The following SPECC1 variants were observed in gnomAD, a reference collection of about 807,000 sequenced individuals.
The protein encoded by SPECC1 is cytospin-B.
SPECC1 carries 62 observed loss-of-function variants against 104.1 expected under a neutral mutation model. The ratio of observed to expected loss-of-function variants is 0.60; its 90% CI spans 0.49 to 0.74. The LOEUF is 0.74. SPECC1 is among the 30% of genes least tolerant of loss of function. SPECC1 has a pLI of 0.00. For missense variants in SPECC1, 1,306 were observed against 1,310.5 expected, an observed-to-expected ratio of 1.00 and a Z score of 0.05; for synonymous variants, 513 against 501.6, an observed-to-expected ratio of 1.02 and a Z score of -0.30.
At chr17:20,150,887 AT>A (rs2031946833) in intron 3 of SPECC1, among the ~76,000 whole-genome samples, 1 of 152,208 alleles carries the variant, frequency 6.6e-6, no homozygotes, top group African/African-American at 2.4e-5. Context: ...GTCAAAATTT[AT>A]TTCTACACAT....
In SPECC1 at chr17:20,232,305, A is replaced by T; in HGVS notation, c.2251A>T (p.Arg751Trp). Residue 751 changes from arginine to tryptophan, a missense_variant, in exon 7 of 15, where the codon AGG (arginine) becomes TGG (tryptophan). Coordinates refer to ENST00000395527, the MANE Select transcript of SPECC1 (RefSeq NM_001243439.2). ...CCAGCAGGAGCTGCGCACCGTGAAG[A>T]GGAAACTGCTGGAGGAGGAGGAGAA... Reference protein sequence around the residue: ...EAQQELRTVKRKLLEEEEKNA... With the variant: ...EAQQELRTVKWKLLEEEEKNA... 1 of 1,614,150 alleles carries T rather than the reference A, an allele frequency of 6.2e-7. No individual in the cohort carries two copies. Among genetic ancestry groups the T allele is most frequent in the Non-Finnish European group, 8.5e-7 (1 of 1,180,034 alleles).
intron 1 of SPECC1, among the ~76,000 whole-genome samples, chr17:20,091,070 A>G (rs2047382015): frequency 6.6e-6 from 1 of 152,112 alleles, no homozygotes; most frequent in African/African-American, 2.4e-5. Flanking sequence ...TTTTCCATTT[A>G]GTTTTTGTTT....
chr17:20,127,895 C>T (rs973158611), intron 3 of SPECC1, among the ~76,000 whole-genome samples: 5 of 152,052 alleles, frequency 3.3e-5, no homozygotes, highest in African/African-American at 1.2e-4. Flanking sequence ...AGCAGGCCTT[C>T]TGAAGCTGCT....
At chr17:20,159,208 G>A (rs772011579) in intron 3 of SPECC1, among the ~76,000 whole-genome samples, 15 of 152,134 alleles carry the variant, frequency 9.9e-5, no homozygotes, top group Non-Finnish European at 2.1e-4. Flanking sequence ...GCCTCCCACA[G>A]TGCTGGGATC....
At chr17:20,274,414 G>T (rs2040506886) in intron 12 of SPECC1, among the ~76,000 whole-genome samples, 1 of 151,982 alleles carries the variant, frequency 6.6e-6, no homozygotes, top group Non-Finnish European at 1.5e-5. Context: ...TGAATTTAAT[G>T]CCCTGGCATT....
At chr17:20,109,116 A>C (rs1264797738) in intron 2 of SPECC1, among the ~76,000 whole-genome samples, 1 of 152,224 alleles carries the variant, frequency 6.6e-6, no homozygotes, top group Non-Finnish European at 1.5e-5. Context: ...TGGTGGGGTG[A>C]GGGTGGTTAC....
At chr17:20,269,177 C>T (rs1363283883) in intron 12 of SPECC1, among the ~76,000 whole-genome samples, 2 of 152,218 alleles carry the variant, frequency 1.3e-5, no homozygotes, top group African/African-American at 4.8e-5. Flanking sequence ...AGACTTAACC[C>T]AGTAGGCCTG....
At chr17:20,263,227 T>C (rs1410858504) in intron 12 of SPECC1, among the ~76,000 whole-genome samples, 14 of 148,440 alleles carry the variant, frequency 9.4e-5, no homozygotes, top group Non-Finnish European at 4.5e-5. Flanking sequence ...CCAATAGCTA[T>C]GACTTCTTAT....
chr17:20,150,128 A>G (rs1211124901), intron 3 of SPECC1, among the ~76,000 whole-genome samples: 1 of 149,572 alleles, frequency 6.7e-6, no homozygotes, highest in Non-Finnish European at 1.5e-5. Context: ...GCCCGCCACC[A>G]CGCCCGGCTA....
intron 1 of SPECC1, among the ~76,000 whole-genome samples, chr17:20,066,753 T>G (rs2046370802): frequency 1.3e-5 from 2 of 151,826 alleles, no homozygotes; most frequent in Admixed American, 1.3e-4. Context: ...CTTAAGTAGT[T>G]TTTTTTTTCT....
chr17:20,167,140 A>G (rs2033720149), intron 3 of SPECC1, among the ~76,000 whole-genome samples: 1 of 147,842 alleles, frequency 6.8e-6, no homozygotes, highest in Non-Finnish European at 1.5e-5. Flanking sequence ...GTATATATAT[A>G]TTATATTATA....
chr17:20,267,619 G>C (rs937575502), intron 12 of SPECC1, among the ~76,000 whole-genome samples: 1 of 152,128 alleles, frequency 6.6e-6, no homozygotes, highest in African/African-American at 2.4e-5. Flanking sequence ...GATTGTTCTT[G>C]GTGGTTTGAA....
chr17:20,306,187 A>C, intron 14 of SPECC1, 105 bp downstream of exon 14: 2 of 1,078,676 alleles, frequency 1.9e-6, no homozygotes, highest in Admixed American at 4.0e-5. Flanking sequence ...CTGTTTGCCG[A>C]AAGTCTGTTG....
chr17:20,040,542 A>G (rs1349690606), intron 1 of SPECC1, among the ~76,000 whole-genome samples: 2 of 152,030 alleles, frequency 1.3e-5, no homozygotes, highest in Non-Finnish European at 2.9e-5. Context: ...ATTTTGCTTT[A>G]TCTGAGACTG....
intron 7 of SPECC1, chr17:20,239,416 A>G: frequency 2.1e-6 from 1 of 481,184 alleles, no homozygotes; most frequent in East Asian, 8.9e-5. Context: ...AAATTGGATT[A>G]TATTCTTTTC....
intron 1 of SPECC1, among the ~76,000 whole-genome samples, chr17:20,079,233 C>T (rs1001436192): frequency 6.6e-5 from 10 of 152,150 alleles, no homozygotes; most frequent in African/African-American, 2.2e-4. Context: ...GTAGACGCCC[C>T]CGAGGCACTG....
chr17:20,141,265 C>T (rs759724534), intron 3 of SPECC1, among the ~76,000 whole-genome samples: 6 of 152,350 alleles, frequency 3.9e-5, no homozygotes, highest in Middle Eastern at 6.8e-3. Flanking sequence ...TATACTGCTT[C>T]TCCTGCCTAA....
chr17:20,021,615 G>C (rs961907060), intron 1 of SPECC1, among the ~76,000 whole-genome samples: 2 of 150,092 alleles, frequency 1.3e-5, no homozygotes, highest in Non-Finnish European at 3.0e-5. Context: ...AAGGGTGGCT[G>C]CACCACTACC....
intron 1 of SPECC1, among the ~76,000 whole-genome samples, chr17:20,071,989 A>T (rs1292352533): frequency 1.3e-5 from 2 of 152,146 alleles, no homozygotes; most frequent in African/African-American, 2.4e-5. Flanking sequence ...CTCCTTTTGG[A>T]AACTGCTTTT....
Sources: gnomAD v4.1 joint callset for allele counts (sites outside exome capture counted in the v4.1 genomes callset) on GRCh38, gnomAD v4.1.1 for gene constraint, MANE v1.5 for transcripts, NCBI Gene and HGNC (gene_info 2026-07-23, HGNC 2026-07-21) for gene names.